The following ZNF148 variants were observed in gnomAD, a reference collection of about 807,000 sequenced individuals.
The protein encoded by ZNF148 is zinc finger protein 148.
ZNF148 carries 7 observed loss-of-function variants against 67.7 expected under a neutral mutation model. That is an observed-to-expected ratio of 0.10 (90% CI 0.06 to 0.19). ZNF148 has a LOEUF of 0.19. Among genes scored for constraint, ZNF148 ranks in the 10% least tolerant of loss-of-function variants. The pLI, the probability that ZNF148 is intolerant of heterozygous loss-of-function variation, is 1.00. For synonymous variants in ZNF148, 333 were observed against 330.7 expected (o/e 1.01, Z -0.08); for missense variants, 583 against 947.1 (o/e 0.62, Z 5.05).
At chr3:125,281,951 C>T (rs1428699098) in intron 5 of ZNF148, among the ~76,000 whole-genome samples, 1 of 152,018 alleles carries the variant, frequency 6.6e-6, no homozygotes, top group East Asian at 1.9e-4. Context: ...TTTTATTCAC[C>T]CTTATAATCT....
At chr3:125,254,220 T>C (rs1936970824) in intron 7 of ZNF148, among the ~76,000 whole-genome samples, 1 of 152,214 alleles carries the variant, frequency 6.6e-6, no homozygotes, top group Non-Finnish European at 1.5e-5. Context: ...ATCTAAGTGA[T>C]GTACACATTT....
At chr3:125,287,404 T>G (rs1052071398) in intron 5 of ZNF148, among the ~76,000 whole-genome samples, 2 of 152,142 alleles carry the variant, frequency 1.3e-5, no homozygotes, top group African/African-American at 4.8e-5. Flanking sequence ...TTTGGGAGGC[T>G]GAAGTGGGAG....
intron 3 of ZNF148, among the ~76,000 whole-genome samples, chr3:125,315,706 TC>T (rs1940457206): frequency 1.9e-5 from 1 of 52,864 alleles, no homozygotes; most frequent in Non-Finnish European, 4.8e-5. Context: ...GGACTCCATC[TC>T]AAAAAAAAAA....
chr3:125,290,830 G>C (rs1938970079), intron 4 of ZNF148, among the ~76,000 whole-genome samples: 1 of 152,036 alleles, frequency 6.6e-6, no homozygotes, highest in Non-Finnish European at 1.5e-5. Context: ...AGAGAATAAG[G>C]GTAGAAATTC....
chr3:125,342,716 A>T (rs1279112735), intron 1 of ZNF148, among the ~76,000 whole-genome samples: 4 of 152,210 alleles, frequency 2.6e-5, no homozygotes, highest in Non-Finnish European at 5.9e-5. Flanking sequence ...CAACAGAAAG[A>T]ACGGAAATAT....
At chr3:125,345,108 A>G (rs2107744592) in intron 1 of ZNF148, among the ~76,000 whole-genome samples, 1 of 152,350 alleles carries the variant, frequency 6.6e-6, no homozygotes, top group Admixed American at 6.5e-5. Flanking sequence ...CAATAACAGC[A>G]GAATACACAT....
Position 125,296,625 on chromosome 3 carries a change from A to T in ZNF148, c.334-8397T>A, listed in dbSNP as rs73859165. 9.8e-3 allele frequency among the ~76,000 whole-genome samples: 1,490 copies of T among 152,352 alleles called. 33 individuals carry two copies. The highest frequency in any genetic ancestry group is 0.033 in the African/African-American group (1,391 of 41,592). ...GACTACAATTTGGCCAATATACAAT[A>T]AAAGCCTTAAGAGACCTATACTGAG... On this transcript the variant is annotated intron_variant, in intron 4 of 8. Coordinates refer to ENST00000360647, the MANE Select transcript of ZNF148 (RefSeq NM_021964.3).
chr3:125,238,735 CAT>C (rs1274807104), intron 7 of ZNF148, among the ~76,000 whole-genome samples: 2 of 152,190 alleles, frequency 1.3e-5, no homozygotes, highest in Non-Finnish European at 2.9e-5. Flanking sequence ...AGAATTATCA[CAT>C]GACCCAGCAA....
intron 1 of ZNF148, among the ~76,000 whole-genome samples, chr3:125,341,806 G>A (rs1941733694): frequency 6.6e-6 from 1 of 151,842 alleles, no homozygotes; most frequent in African/African-American, 2.4e-5. Flanking sequence ...ACCAGCCTGG[G>A]CAACATGGCG....
chr3:125,254,731 A>T (rs1553807937), intron 7 of ZNF148, among the ~76,000 whole-genome samples: 2 of 151,980 alleles, frequency 1.3e-5, no homozygotes, highest in Non-Finnish European at 2.9e-5. Flanking sequence ...TGCCTTACTA[A>T]TCCTTACATA....
chr3:125,341,023 T>C (rs892394773), intron 1 of ZNF148, among the ~76,000 whole-genome samples: 17 of 140,558 alleles, frequency 1.2e-4, no homozygotes, highest in African/African-American at 4.5e-4. Flanking sequence ...ATGTCCATGA[T>C]GTAACAAAAA....
intron 4 of ZNF148, among the ~76,000 whole-genome samples, chr3:125,291,856 T>C (rs1270611989): frequency 1.3e-5 from 2 of 152,164 alleles, no homozygotes; most frequent in Admixed American, 1.3e-4. Context: ...TGTGTTTAAC[T>C]ATCACTAGAA....
chr3:125,365,459 G>A (rs1052554857), intron 1 of ZNF148, among the ~76,000 whole-genome samples: 20 of 152,090 alleles, frequency 1.3e-4, no homozygotes, highest in African/African-American at 4.6e-4. Flanking sequence ...CTAATGTACT[G>A]CACTAAACTA....
At chr3:125,285,939 G>A (rs1938633206) in intron 5 of ZNF148, among the ~76,000 whole-genome samples, 1 of 152,132 alleles carries the variant, frequency 6.6e-6, no homozygotes, top group Non-Finnish European at 1.5e-5. Flanking sequence ...CTTAAAGCCT[G>A]TAAATACCTA....
intron 1 of ZNF148, among the ~76,000 whole-genome samples, chr3:125,363,267 C>T (rs1450486369): frequency 3.3e-5 from 5 of 152,094 alleles, no homozygotes; most frequent in Admixed American, 1.3e-4. Context: ...ATTATCAGTC[C>T]AAATAATTTC....
At chr3:125,328,887 T>C (rs549097154) in intron 2 of ZNF148, among the ~76,000 whole-genome samples, 58 of 152,054 alleles carry the variant, frequency 3.8e-4, no homozygotes, top group Non-Finnish European at 6.6e-4. Context: ...CCCTCTCTCA[T>C]AGACTACTGA....
At chr3:125,269,364 T>C (rs905493354) in intron 7 of ZNF148, among the ~76,000 whole-genome samples, 1 of 147,602 alleles carries the variant, frequency 6.8e-6, no homozygotes, top group Non-Finnish European at 1.5e-5. Flanking sequence ...CTAAGTGACA[T>C]AGCAACATCA....
At chr3:125,315,062 A>C (rs959882914) in intron 3 of ZNF148, 5 of 152,190 alleles carry the variant, frequency 3.3e-5, no homozygotes, top group Non-Finnish European at 7.3e-5. Flanking sequence ...CCCTGTCTCA[A>C]AAATAAACAA....
At chr3:125,271,275 C>G (rs1213153422) in intron 7 of ZNF148, among the ~76,000 whole-genome samples, 1 of 152,200 alleles carries the variant, frequency 6.6e-6, no homozygotes, top group Non-Finnish European at 1.5e-5. Flanking sequence ...CCCCCACTCT[C>G]CCCGTCCTTC....
Sources: gnomAD v4.1 joint callset for allele counts (sites outside exome capture counted in the v4.1 genomes callset) on GRCh38, gnomAD v4.1.1 for gene constraint, MANE v1.5 for transcripts, NCBI Gene and HGNC (gene_info 2026-07-23, HGNC 2026-07-21) for gene names.